Variants in RNF10 observed in about 807,000 individuals in gnomAD.
RNF10 encodes the protein E3 ubiquitin-protein ligase RNF10.
RNF10 carries 38 observed loss-of-function variants against 91.4 expected under a neutral mutation model. The ratio of observed to expected loss-of-function variants is 0.42; its 90% CI spans 0.32 to 0.54. RNF10 has a LOEUF of 0.54. Ranked by LOEUF, RNF10 falls within the 20% of genes least tolerant of loss-of-function variation. RNF10 has a pLI of 0.16. For missense variants in RNF10, 945 were observed against 1,012.0 expected, an observed-to-expected ratio of 0.93 and a Z score of 0.90; for synonymous variants, 364 against 366.3, an observed-to-expected ratio of 0.99 and a Z score of 0.07.
intron 8 of RNF10, 88 bp downstream of exon 8, chr12:120,563,158 CAA>C (rs1875152571): frequency 1.9e-6 from 3 of 1,579,348 alleles, no homozygotes; most frequent in African/African-American, 1.3e-5. Context: ...TAAACCTTCT[CAA>C]GAGAAGAGGG....
intron 1 of RNF10, among the ~76,000 whole-genome samples, chr12:120,538,222 A>C (rs1871110114): frequency 6.6e-6 from 1 of 152,226 alleles, no homozygotes; most frequent in African/African-American, 2.4e-5. Context: ...AAGAGTTTTC[A>C]GTATTCAAAT....
intron 14 of RNF10, chr12:120,574,712 G>A: frequency 2.9e-6 from 1 of 344,488 alleles, no homozygotes; most frequent in Non-Finnish European, 5.7e-6. Flanking sequence ...GATCACCTGA[G>A]GTCAGGAGTT....
intron 7 of RNF10, 115 bp from the exon 8 acceptor site, chr12:120,562,830 C>G: frequency 7.8e-7 from 1 of 1,281,718 alleles, no homozygotes; most frequent in South Asian, 1.2e-5. Context: ...CCCATTGGGT[C>G]TCATTGCCTT....
intron 4 of RNF10, among the ~76,000 whole-genome samples, chr12:120,556,719 A>C (rs535861037): frequency 6.6e-6 from 1 of 152,098 alleles, no homozygotes; most frequent in South Asian, 2.1e-4. Context: ...TTATGCATAC[A>C]TATTAAGTTT....
intron 1 of RNF10, among the ~76,000 whole-genome samples, chr12:120,537,892 C>T (rs1871062973): frequency 6.6e-6 from 1 of 152,090 alleles, no homozygotes; most frequent in African/African-American, 2.4e-5. Context: ...GGTTAGGAAA[C>T]TGGATATTGG....
intron 6 of RNF10, among the ~76,000 whole-genome samples, chr12:120,558,826 TC>T (rs1874396970): frequency 6.6e-6 from 1 of 151,518 alleles, no homozygotes; most frequent in African/African-American, 2.4e-5. Context: ...CCGCCTTACC[TC>T]CCAAAGTGCT....
chr12:120,567,906 T>C (rs1876018207), intron 13 of RNF10, among the ~76,000 whole-genome samples: 1 of 151,844 alleles, frequency 6.6e-6, no homozygotes, highest in Non-Finnish European at 1.5e-5. Context: ...TATGTAAATG[T>C]ATAGAAAAAC....
Position 120,577,125 on chromosome 12 carries a change from C to T in RNF10, c.*459C>T. 2.2e-6 allele frequency: 1 copy of T among 445,402 alleles called. No individual in the cohort carries two copies. 27.6% of individuals were successfully genotyped at this position (445,402 alleles called of 1,614,324 possible). A position where few individuals can be genotyped will look rare whatever the true frequency, so the allele number is the denominator to read the frequency against. On this transcript the variant is annotated 3_prime_UTR_variant, in exon 17 of 17. Coordinates refer to ENST00000325954, the MANE Select transcript of RNF10 (RefSeq NM_014868.5). Reference sequence around the variant, plus strand: ...AATCTTTACTACCTATTTAGTTCTCCTTGTTAAAGAAACAGGGGTGGGAAT... The same window carrying T: ...AATCTTTACTACCTATTTAGTTCTCTTTGTTAAAGAAACAGGGGTGGGAAT...
intron 3 of RNF10, among the ~76,000 whole-genome samples, chr12:120,553,281 G>T (rs1170370036): frequency 6.6e-6 from 1 of 150,544 alleles, no homozygotes; most frequent in East Asian, 1.9e-4. Context: ...ATAGAGACGG[G>T]GTTTCACCAT....
Position 120,571,130 on chromosome 12 carries a change from T to G in RNF10, c.2042-61T>G, listed in dbSNP as rs193052467. The G allele has an allele frequency of 1.5e-4, 174 of 1,144,098 alleles. 2 individuals are homozygous for G. The African/African-American group carries it at 2.3e-3, about 15-fold the overall frequency. 70.9% of individuals were successfully genotyped at this position (1,144,098 alleles called of 1,614,324 possible). A position where few individuals can be genotyped will look rare whatever the true frequency, so the allele number is the denominator to read the frequency against. Reference sequence around the variant, plus strand: ...ACCTGACTCAGGGCTCACTCATCTCTCTTGTTAAGGACACCCCTTGGAACG... The same window carrying G: ...ACCTGACTCAGGGCTCACTCATCTCGCTTGTTAAGGACACCCCTTGGAACG... On this transcript the variant is annotated intron_variant, in intron 13 of 16. Coordinates refer to ENST00000325954, the MANE Select transcript of RNF10 (RefSeq NM_014868.5).
chr12:120,569,103 T>C (rs1191293789), intron 13 of RNF10, among the ~76,000 whole-genome samples: 1 of 151,996 alleles, frequency 6.6e-6, no homozygotes, highest in East Asian at 1.9e-4. Context: ...CCAAGTAGTT[T>C]GGATTACAGG....
At position 120,545,472 on chromosome 12, in the gene RNF10, A is replaced by G. The variant is rs544745659; in HGVS notation, c.158-933A>G. On this transcript the variant is annotated intron_variant, in intron 1 of 16. Coordinates refer to ENST00000325954, the MANE Select transcript of RNF10 (RefSeq NM_014868.5). ...CTCCCAAAGTGCTAGGATTACAGGCATGAGCCACCGCGCCTGGCCATTTTT... is the reference window on the plus strand; with the variant it reads ...CTCCCAAAGTGCTAGGATTACAGGCGTGAGCCACCGCGCCTGGCCATTTTT... 1.1e-4 allele frequency among the ~76,000 whole-genome samples: 16 copies of G among 151,488 alleles called. No homozygotes were observed. In the South Asian group the frequency reaches 3.1e-3, roughly 30 times the overall value.
In RNF10 at chr12:120,557,744, T is replaced by C. The variant is rs987895215; in HGVS notation, c.967+62T>C. 6.4e-6 allele frequency: 10 copies of C among 1,567,398 alleles called. No homozygotes were observed. In the African/African-American group the frequency reaches 1.4e-4, roughly 21 times the overall value. On this transcript the variant is annotated intron_variant, in intron 6 of 16. Transcript: ENST00000325954. ...GTACATTCTTTAAGGTGATTGAATA[T>C]ATCTAAGCATCAGAAAGTGAAGCCT...
chr12:120,546,567 T>C lies in RNF10; in HGVS notation c.320T>C (p.Phe107Ser). The C allele has an allele frequency of 6.2e-7, 1 of 1,613,368 alleles. No individual in the cohort carries two copies. The highest frequency in any genetic ancestry group is 8.5e-7 in the Non-Finnish European group (1 of 1,179,844). ...AGGGGCGGCGGCAGCAGCAAACTCT[T>C]TAGCTCTTCTTTTAATGGTGGAAGA... ...PQRGGGSSKL[F>S]SSSFNGGRRD... Residue 107 changes from phenylalanine to serine, a missense_variant, in exon 2 of 17, where the codon TTT becomes TCT. By Grantham distance (155) the Phe-to-Ser change is radical. Coordinates refer to ENST00000325954, the MANE Select transcript of RNF10 (RefSeq NM_014868.5).
In RNF10 at chr12:120,540,100, G is replaced by T. The variant is rs1258915414; in HGVS notation, c.157+5132G>T. Among the ~76,000 whole-genome samples, 6 of 148,698 alleles carry T rather than the reference G, an allele frequency of 4.0e-5. No individual in the cohort carries two copies. The South Asian group carries it at 1.3e-3, about 32-fold the overall frequency. On this transcript the variant is annotated intron_variant, in intron 1 of 16. Transcript: ENST00000325954. ...ACTTAAAAAAAAAAAAAATAGGGGT[G>T]TGTGGGGCCCCTTCCTAGGAATTTA...
intron 6 of RNF10, among the ~76,000 whole-genome samples, chr12:120,559,339 G>A (rs1029734785): frequency 6.6e-6 from 1 of 150,840 alleles, no homozygotes; most frequent in African/African-American, 2.4e-5. Context: ...CTGCCACCAC[G>A]CCCGGCTAAT....
In RNF10 at chr12:120,565,465, G is replaced by T. The variant is rs138738342; in HGVS notation, c.1821G>T (p.Lys607Asn). 1.2e-6 allele frequency: 2 copies of T among 1,614,092 alleles called. No homozygotes were observed. The highest frequency in any genetic ancestry group is 1.7e-6 in the Non-Finnish European group (2 of 1,179,998). ...IEKRKRQRQKKAREERRRERR... is the reference protein window; with the variant it reads ...IEKRKRQRQKNAREERRRERR... ...AGAGGAAACGTCAGCGCCAAAAGAA[G>T]GCTCGGGAGGAACGCCGCCGAGAGC... is the stretch of plus-strand genomic sequence containing the variant. The change falls in exon 12 of 17, where the codon AAG becomes AAT. Residue 607 changes from lysine to asparagine, a missense_variant. Physicochemically the swap from Lys to Asn is moderately conservative, Grantham distance 94. Coordinates refer to ENST00000325954, the MANE Select transcript of RNF10 (RefSeq NM_014868.5).
intron 1 of RNF10, among the ~76,000 whole-genome samples, chr12:120,537,381 C>CT (rs1386580398): frequency 6.6e-6 from 1 of 152,136 alleles, no homozygotes. Context: ...AATCCCAGCA[C>CT]TTTGGGAGGC....
rs1187469453 is a variant in RNF10, at chr12:120,571,055, G to A, written c.2042-136G>A. On this transcript the variant is annotated intron_variant, in intron 13 of 16. Coordinates refer to ENST00000325954, the MANE Select transcript of RNF10 (RefSeq NM_014868.5). ...AAGAACATGGAAGAGTTGAAAGTTG[G>A]ATCAATGTTTGCTTTTTTTTTTTTG... The A allele has an allele frequency of 4.0e-5, 25 of 626,128 alleles. No individual in the cohort carries two copies. In the East Asian group the frequency reaches 6.5e-4, roughly 16 times the overall value. 38.8% of individuals were successfully genotyped at this position (626,128 alleles called of 1,614,324 possible).
Sources: allele counts gnomAD v4.1 joint callset (sites outside exome capture counted in the v4.1 genomes callset), GRCh38; gene constraint gnomAD v4.1.1; transcripts MANE v1.5; gene names NCBI Gene and HGNC (gene_info 2026-07-23, HGNC 2026-07-21).